BRSK1: variants seen among roughly 807,000 people sequenced by gnomAD.
BRSK1 encodes serine/threonine-protein kinase BRSK1.
BRSK1 carries 17 observed loss-of-function variants against 86.2 expected under a neutral mutation model. The observed-to-expected ratio is 0.20, with a 90% CI of 0.14 to 0.30. BRSK1 has a LOEUF of 0.30. Among genes scored for constraint, BRSK1 ranks in the 10% least tolerant of loss-of-function variants. BRSK1 has a pLI of 1.00. For missense variants in BRSK1, 719 were observed against 1,071.9 expected (o/e 0.67, Z 4.60); for synonymous variants, 464 against 440.1 (o/e 1.05, Z -0.68).
At chr19:55,301,251 C>T (rs980589272) in intron 7 of BRSK1, among the ~76,000 whole-genome samples, 12 of 152,208 alleles carry the variant, frequency 7.9e-5, no homozygotes, top group African/African-American at 2.9e-4. Flanking sequence ...ACAACCGTTT[C>T]GAAACTGCTG....
At chr19:55,305,142 G>A (rs1249842069) in intron 14 of BRSK1, among the ~76,000 whole-genome samples, 179 bp from the exon 15 acceptor site, 5 of 152,178 alleles carry the variant, frequency 3.3e-5, no homozygotes, top group African/African-American at 1.2e-4. Flanking sequence ...ACGCGCCTTT[G>A]GGGCTCTGGA....
At chr19:55,296,201 C>T (rs1051011382) in intron 7 of BRSK1, among the ~76,000 whole-genome samples, 3 of 152,078 alleles carry the variant, frequency 2.0e-5, no homozygotes, top group Admixed American at 1.3e-4. Context: ...TTCTTCCTGG[C>T]AACGATCAGA....
At position 55,303,848 on chromosome 19, in the gene BRSK1, G is replaced by A; in HGVS notation, c.1286+22G>A. 6.5e-7 allele frequency: 1 copy of A among 1,547,550 alleles called. No individual in the cohort carries two copies. The highest frequency in any genetic ancestry group is 8.7e-7 in the Non-Finnish European group (1 of 1,148,142). ...AGAGGTGGGAGCCCCTGTCCCTCCA[G>A]GAGGATCCACAATCCCTGGGTCTAG... On this transcript the variant is annotated intron_variant, in intron 12 of 18. Coordinates refer to ENST00000309383, the MANE Select transcript of BRSK1 (RefSeq NM_032430.2). The surrounding 1 kb of genome is among the most constrained non-coding windows in gnomAD (Gnocchi z 5.1).
intron 18 of BRSK1, among the ~76,000 whole-genome samples, chr19:55,309,468 T>C (rs2123004234): frequency 6.6e-6 from 1 of 152,346 alleles, no homozygotes; most frequent in Middle Eastern, 3.4e-3. Context: ...AATTTATTGC[T>C]GACAATTCTG....
Position 55,287,008 on chromosome 19 carries a change from G to T in BRSK1, c.138G>T (p.Gly46=), listed in dbSNP as rs753758124. Reference sequence around the variant, plus strand: ...CACATTTTCACCCTGCTCCTGCAGGGCTGGTTAAACTCGGGGTCCACTGCA... The same window carrying T: ...CACATTTTCACCCTGCTCCTGCAGGTCTGGTTAAACTCGGGGTCCACTGCA... ...LEKTLGKGQT[G]LVKLGVHCIT... is the part of the protein sequence containing the mutation. The change falls in exon 2 of 19, where the codon GGG becomes GGT. Residue 46 remains glycine (G), a splice_region_variant and synonymous_variant. Coordinates refer to ENST00000309383, the MANE Select transcript of BRSK1 (RefSeq NM_032430.2). This position sits in a 1 kb window ranked among gnomAD's most constrained non-coding sequence, Gnocchi z 5.3. 8 of 1,614,030 alleles carry T rather than the reference G, an allele frequency of 5.0e-6. No individual in the cohort carries two copies. The South Asian group carries it at 6.6e-5, about 13-fold the overall frequency.
chr19:55,303,778 C>A lies in BRSK1; in HGVS notation c.1238C>A (p.Ser413Tyr). The stretch of plus-strand genomic sequence containing the variant: ...ATCACCGATGCCGGGGGTGGTGGCT[C>A]CCCTGTACCCACCCGACGGGCCTTG... ...LSITDAGGGG[S>Y]PVPTRRALEM... The change falls in exon 12 of 19, where the codon TCC (serine) becomes TAC (tyrosine). Residue 413 changes from serine (S) to tyrosine (Y), a missense_variant. Ser to Tyr is a moderately radical substitution (Grantham distance 144). This residue lies in a region of BRSK1 where 168 missense variants were observed against 246.3 expected (regional missense o/e 0.68). Coordinates refer to ENST00000309383, the MANE Select transcript of BRSK1 (RefSeq NM_032430.2). The surrounding 1 kb of genome is among the most constrained non-coding windows in gnomAD (Gnocchi z 5.1). The A allele has an allele frequency of 6.2e-7, 1 of 1,610,118 alleles. No individual in the cohort carries two copies. Among genetic ancestry groups the A allele is most frequent in the South Asian group, 1.1e-5 (1 of 90,610 alleles).
intron 17 of BRSK1, 75 bp from the exon 18 acceptor site, chr19:55,308,564 G>A (rs2088702383): frequency 9.3e-7 from 1 of 1,071,876 alleles, no homozygotes; most frequent in Non-Finnish European, 1.4e-6. Context: ...TGGAGGGACT[G>A]GGTTCTGCAG....
chr19:55,299,990 C>T lies in BRSK1; in HGVS notation c.679-1522C>T, dbSNP rs749730314. ...GGGGTCACCTTGGCTCCCCTCCAACCCTTGCCCTGGTGATTGGAAGCATTC... is the reference window on the plus strand; with the variant it reads ...GGGGTCACCTTGGCTCCCCTCCAACTCTTGCCCTGGTGATTGGAAGCATTC... On this transcript the variant is annotated intron_variant, in intron 7 of 18. Transcript: ENST00000309383. Among the ~76,000 whole-genome samples, 6 of 152,224 alleles carry T rather than the reference C, an allele frequency of 3.9e-5. No homozygotes were observed. In the South Asian group the frequency reaches 6.2e-4, roughly 16 times the overall value.
intron 1 of BRSK1, among the ~76,000 whole-genome samples, chr19:55,286,587 T>C: frequency 7.0e-6 from 1 of 142,254 alleles, no homozygotes. Flanking sequence ...TCGTTGGGAG[T>C]CATAGGGTCT....
chr19:55,311,674 G>A (rs1227778525), intron 18 of BRSK1, among the ~76,000 whole-genome samples: 1 of 152,184 alleles, frequency 6.6e-6, no homozygotes, highest in East Asian at 1.9e-4. Flanking sequence ...CAGGGTTGCA[G>A]GGGGCATAGG....
chr19:55,295,824 C>G (rs1374397061), intron 7 of BRSK1, among the ~76,000 whole-genome samples: 1 of 152,144 alleles, frequency 6.6e-6, no homozygotes, highest in Non-Finnish European at 1.5e-5. Flanking sequence ...CAAAAACTAG[C>G]CGGGCTTGGT....
At chr19:55,286,762 G>A (rs2088323723) in intron 1 of BRSK1, among the ~76,000 whole-genome samples, 2 of 151,832 alleles carry the variant, frequency 1.3e-5, no homozygotes, top group South Asian at 4.2e-4. Context: ...GGGGTGGCTG[G>A]CAGAGGAGAG....
chr19:55,297,057 G>A (rs2088499205), intron 7 of BRSK1, among the ~76,000 whole-genome samples: 1 of 152,108 alleles, frequency 6.6e-6, no homozygotes, highest in Non-Finnish European at 1.5e-5. Flanking sequence ...AAAAGAAAAA[G>A]AATACATAAG....
Position 55,284,388 on chromosome 19 carries a change from C to G in BRSK1, c.-55C>G. On this transcript the variant is annotated 5_prime_UTR_variant, in exon 1 of 19. Coordinates refer to ENST00000309383, the MANE Select transcript of BRSK1 (RefSeq NM_032430.2). Reference sequence around the variant, plus strand: ...GCCGGCCCCCACCGGAGAGACGGGGCGACGGCCGCAGGGGGGGCGGCCGGG... The same window carrying G: ...GCCGGCCCCCACCGGAGAGACGGGGGGACGGCCGCAGGGGGGGCGGCCGGG... 2 of 705,674 alleles carry G rather than the reference C, an allele frequency of 2.8e-6. No homozygotes were observed. Among genetic ancestry groups the G allele is most frequent in the East Asian group, 9.0e-5 (2 of 22,222 alleles). 43.7% of individuals were successfully genotyped at this position (705,674 alleles called of 1,614,324 possible). A position where few individuals can be genotyped will look rare whatever the true frequency, so the allele number is the denominator to read the frequency against.
intron 18 of BRSK1, among the ~76,000 whole-genome samples, chr19:55,309,594 G>A (rs1600198073): frequency 6.6e-6 from 1 of 152,134 alleles, no homozygotes; most frequent in East Asian, 1.9e-4. Context: ...AGGGGCAAGG[G>A]AACTCTCTGG....
Position 55,302,658 on chromosome 19 carries a change from A to G in BRSK1, c.858-39A>G. The G allele has an allele frequency of 6.3e-7, 1 of 1,579,824 alleles. No individual in the cohort carries two copies. Among genetic ancestry groups the G allele is most frequent in the Non-Finnish European group, 8.6e-7 (1 of 1,159,488 alleles). The stretch of plus-strand genomic sequence containing the variant: ...TCTAGAATGAAGAATGCTGAATCTC[A>G]GAAGCCCGGTTCCCAATAATGTTTC... On this transcript the variant is annotated intron_variant, in intron 9 of 18. Transcript: ENST00000309383. This position sits in a 1 kb window ranked among gnomAD's most constrained non-coding sequence, Gnocchi z 6.3.
At chr19:55,289,911 G>A (rs1023513694) in intron 4 of BRSK1, among the ~76,000 whole-genome samples, 2 of 152,090 alleles carry the variant, frequency 1.3e-5, no homozygotes, top group East Asian at 1.9e-4. Context: ...CCAGCCCCCG[G>A]CAACCTATGT....
In BRSK1 at chr19:55,303,246, T is replaced by G. The variant is rs1409060590; in HGVS notation, c.1029-65T>G. 7.7e-7 allele frequency: 1 copy of G among 1,291,962 alleles called. No individual in the cohort carries two copies. The highest frequency in any genetic ancestry group is 1.5e-5 in the African/African-American group (1 of 68,764). 80.0% of individuals were successfully genotyped at this position (1,291,962 alleles called of 1,614,324 possible). A position where few individuals can be genotyped will look rare whatever the true frequency, so the allele number is the denominator to read the frequency against. On this transcript the variant is annotated intron_variant, in intron 10 of 18. Transcript: ENST00000309383. The surrounding 1 kb of genome is among the most constrained non-coding windows in gnomAD (Gnocchi z 5.1). ...TACAGGGAGCGGAGGAGACCTCCTC[T>G]GAGCATTGATGTTGGACCTCAGCCC... is the stretch of plus-strand genomic sequence containing the variant.
At chr19:55,296,141 A>C (rs1349523836) in intron 7 of BRSK1, among the ~76,000 whole-genome samples, 18 of 140,200 alleles carry the variant, frequency 1.3e-4, no homozygotes, top group South Asian at 4.6e-4. Flanking sequence ...CCCTGCCCCC[A>C]CTCCTCCTCC....
Sources: allele counts gnomAD v4.1 joint callset (sites outside exome capture counted in the v4.1 genomes callset), GRCh38; gene constraint gnomAD v4.1.1; regional missense constraint gnomAD v4.1.1; non-coding constraint Gnocchi (gnomAD v3.1); transcripts MANE v1.5; gene names NCBI Gene and HGNC (gene_info 2026-07-23, HGNC 2026-07-21).